Variants in UNC5A observed in about 807,000 individuals in gnomAD.
The protein encoded by UNC5A is netrin receptor UNC5A.
UNC5A carries 20 observed loss-of-function variants against 87.4 expected under a neutral mutation model. The observed-to-expected ratio is 0.23, with a 90% CI of 0.16 to 0.33. The LOEUF is 0.33. Among genes scored for constraint, UNC5A ranks in the 10% least tolerant of loss-of-function variants. The pLI is 1.00. For synonymous variants in UNC5A, 438 were observed against 482.3 expected (o/e 0.91, Z 1.20); for missense variants, 844 against 1,133.4 (o/e 0.74, Z 3.67).
chr5:176,850,779 C>T (rs1176374634), intron 1 of UNC5A, among the ~76,000 whole-genome samples: 11 of 152,246 alleles, frequency 7.2e-5, no homozygotes, highest in East Asian at 3.8e-4. Flanking sequence ...GGGGTCCAAG[C>T]GGGCTCATCT....
chr5:176,810,708 G>A lies in UNC5A; in HGVS notation c.-43G>A. On this transcript the variant is annotated 5_prime_UTR_variant, in exon 1 of 15. Coordinates refer to ENST00000329542, the MANE Select transcript of UNC5A (RefSeq NM_133369.3). The surrounding 1 kb of genome is among the most constrained non-coding windows in gnomAD (Gnocchi z 7.3). ...AGGCGCTAAAGCCGCCCTCCCGCCCGCGGGGCCCCGCGCCCGGCCCGCCCG... is the reference window on the plus strand; with the variant it reads ...AGGCGCTAAAGCCGCCCTCCCGCCCACGGGGCCCCGCGCCCGGCCCGCCCG... The A allele has an allele frequency of 4.5e-6, 4 of 884,864 alleles. No individual in the cohort carries two copies. Among genetic ancestry groups the A allele is most frequent in the East Asian group, 9.0e-5 (1 of 11,128 alleles). The allele number at this position is 884,864 out of a possible 1,614,324, so 54.8% of individuals were successfully genotyped here. A position where few individuals can be genotyped will look rare whatever the true frequency, so the allele number is the denominator to read the frequency against.
intron 1 of UNC5A, among the ~76,000 whole-genome samples, chr5:176,811,724 C>T (rs921044234): frequency 2.6e-5 from 4 of 151,790 alleles, no homozygotes; most frequent in Admixed American, 6.6e-5. Context: ...CTGAGTTGAG[C>T]GTATGTGTCT....
intron 1 of UNC5A, among the ~76,000 whole-genome samples, chr5:176,849,832 A>G (rs887495626): frequency 6.6e-6 from 1 of 152,200 alleles, no homozygotes; most frequent in African/African-American, 2.4e-5. Context: ...CAGCAAGTAC[A>G]TACCCTGGGC....
Position 176,877,614 on chromosome 5 carries a change from G to C in UNC5A, c.1546G>C (p.Val516Leu). 1 of 1,612,586 alleles carries C rather than the reference G, an allele frequency of 6.2e-7. No homozygotes were observed. Among genetic ancestry groups the C allele is most frequent in the Non-Finnish European group, 8.5e-7 (1 of 1,179,678 alleles). ...GPPGVLLTRP[V>L]ILAMDHCGEP... ...CCCTGGCGTCCTGCTCACCCGGCCA[G>C]TCATCCTGGCTATGGACCACTGTGG... Residue 516 changes from valine to leucine, a missense_variant, in exon 10 of 15, where the codon GTC becomes CTC. Val to Leu is a conservative substitution (Grantham distance 32). This residue lies in a region of UNC5A where 353 missense variants were observed against 387.5 expected (regional missense o/e 0.91). Transcript: ENST00000329542.
intron 1 of UNC5A, among the ~76,000 whole-genome samples, chr5:176,821,967 AAGGTAGAG>A (rs1337219076): frequency 6.6e-6 from 1 of 152,222 alleles, no homozygotes; most frequent in Non-Finnish European, 1.5e-5. Context: ...GGTAGGTCGA[AAGGTAGAG>A]AGTCAGCTAG....
At chr5:176,842,877 A>G (rs983055364) in intron 1 of UNC5A, among the ~76,000 whole-genome samples, 1 of 152,162 alleles carries the variant, frequency 6.6e-6, no homozygotes, top group Admixed American at 6.5e-5. Context: ...TTTTTACAAA[A>G]AGGGCTAGGC....
At chr5:176,861,140 A>G (rs953998218) in intron 1 of UNC5A, among the ~76,000 whole-genome samples, 1 of 152,146 alleles carries the variant, frequency 6.6e-6, no homozygotes, top group African/African-American at 2.4e-5. Flanking sequence ...CTCACCCCCT[A>G]TGAGATTGCT....
chr5:176,863,415 C>T (rs895871725), intron 2 of UNC5A, among the ~76,000 whole-genome samples: 10 of 152,224 alleles, frequency 6.6e-5, no homozygotes, highest in South Asian at 2.1e-4. Flanking sequence ...AGCTGCAGAG[C>T]GACATGGCCA....
Position 176,879,445 on chromosome 5 carries a change from G to A in UNC5A, c.2320G>A (p.Gly774Ser), listed in dbSNP as rs1758359429. ...ISSLDPPCRR[G>S]ADWRTLAQKL... is the part of the protein sequence containing the mutation. ...CAGCCTGGACCCACCCTGTAGGCGG[G>A]GTGCCGACTGGCGGACTCTGGCCCA... Residue 774 changes from glycine to serine, a missense_variant, in exon 14 of 15, where the codon GGT (glycine) becomes AGT (serine). Gly to Ser is a moderately conservative substitution (Grantham distance 56). Coordinates refer to ENST00000329542, the MANE Select transcript of UNC5A (RefSeq NM_133369.3). The A allele has an allele frequency of 6.2e-7, 1 of 1,612,058 alleles. No homozygotes were observed. The highest frequency in any genetic ancestry group is 8.5e-7 in the Non-Finnish European group (1 of 1,179,616).
chr5:176,878,643 G>C lies in UNC5A; in HGVS notation c.2184+4G>C. Reference sequence around the variant, plus strand: ...CATCAACTTCAACATCACCAAGGTGGACGGGAGGGGCTGCCGCACCGCCGT... The same window carrying C: ...CATCAACTTCAACATCACCAAGGTGCACGGGAGGGGCTGCCGCACCGCCGT... On this transcript the variant is annotated splice_donor_region_variant and intron_variant, in intron 13 of 14. Coordinates refer to ENST00000329542, the MANE Select transcript of UNC5A (RefSeq NM_133369.3). 6.2e-7 allele frequency: 1 copy of C among 1,608,820 alleles called. No individual in the cohort carries two copies. The highest frequency in any genetic ancestry group is 1.7e-4 in the Middle Eastern group (1 of 6,036).
rs759720511 is a variant in UNC5A at position 176,879,344 on chromosome 5, G to T, written c.2219G>T (p.Ser740Ile). 3 of 1,611,302 alleles carry T rather than the reference G, an allele frequency of 1.9e-6. No individual in the cohort carries two copies. The Admixed American group carries it at 5.0e-5, about 27-fold the overall frequency. Residue 740 changes from serine to isoleucine, a missense_variant, in exon 14 of 15, where the codon AGT becomes ATT. Physicochemically the swap from Ser to Ile is moderately radical, Grantham distance 142 (BLOSUM62 -2). Around this residue, in one of 3 missense-constraint regions of UNC5A, gnomAD observed 177 missense variants for 279.4 expected, o/e 0.63. Transcript: ENST00000329542. ...TRFAELLALE[S>I]EAGVPALVGP... ...TTTGCTGAGCTGCTGGCTCTGGAGA[G>T]TGAAGCGGGGGTCCCAGCCCTGGTG...
chr5:176,821,342 T>G (rs771219730), intron 1 of UNC5A, among the ~76,000 whole-genome samples: 1 of 152,210 alleles, frequency 6.6e-6, no homozygotes, highest in Non-Finnish European at 1.5e-5. Context: ...GCCCTGGCAC[T>G]TTTCTAGGGA....
intron 1 of UNC5A, among the ~76,000 whole-genome samples, chr5:176,852,976 A>G (rs1251042016): frequency 1.3e-5 from 2 of 152,246 alleles, no homozygotes; most frequent in African/African-American, 4.8e-5. Context: ...AGGCGTGAGG[A>G]GGAAAACAGA....
chr5:176,843,139 C>T (rs1476151119), intron 1 of UNC5A, among the ~76,000 whole-genome samples: 3 of 140,948 alleles, frequency 2.1e-5, no homozygotes, highest in Non-Finnish European at 4.5e-5. Context: ...CCAGCCTGGG[C>T]GGTAAGAGTG....
intron 1 of UNC5A, among the ~76,000 whole-genome samples, chr5:176,833,705 T>C (rs1757078795): frequency 6.6e-6 from 1 of 150,854 alleles, no homozygotes; most frequent in African/African-American, 2.5e-5. Flanking sequence ...TTTTTATCTT[T>C]TTTCTTTCTT....
At chr5:176,877,431 C>G (rs532264598) in intron 9 of UNC5A, 104 bp from the exon 10 acceptor site, 456 of 1,397,840 alleles carry the variant, frequency 3.3e-4, no homozygotes, top group Admixed American at 4.5e-4. Flanking sequence ...GCAGCCCAAG[C>G]CCCTGGCCCC....
intron 1 of UNC5A, among the ~76,000 whole-genome samples, chr5:176,840,460 T>G (rs569875938): frequency 6.6e-6 from 1 of 152,228 alleles, no homozygotes; most frequent in East Asian, 1.9e-4. Context: ...TTTTCTCTTT[T>G]GTGCTCCTGT....
At chr5:176,862,520 T>C (rs1757865469) in intron 1 of UNC5A, 104 bp from the exon 2 acceptor site, 2 of 1,064,818 alleles carry the variant, frequency 1.9e-6, no homozygotes. Context: ...GGACTCACTC[T>C]CCTCCCATCT....
rs1372927283 is a variant in UNC5A, at chr5:176,880,815, T to G, written c.*929T>G. The G allele has an allele frequency of 2.5e-6, 1 of 395,794 alleles. No homozygotes were observed. Among genetic ancestry groups the G allele is most frequent in the Admixed American group, 4.2e-5 (1 of 23,606 alleles). 24.5% of individuals were successfully genotyped at this position (395,794 alleles called of 1,614,324 possible). On this transcript the variant is annotated 3_prime_UTR_variant, in exon 15 of 15. Coordinates refer to ENST00000329542, the MANE Select transcript of UNC5A (RefSeq NM_133369.3). ...ATTCACGCACTTACTCTTGGCCTTATGTACACAGCCTTGCCCGGCCGCCGG... is the reference window on the plus strand; with the variant it reads ...ATTCACGCACTTACTCTTGGCCTTAGGTACACAGCCTTGCCCGGCCGCCGG...
Sources: allele counts gnomAD v4.1 joint callset (sites outside exome capture counted in the v4.1 genomes callset), GRCh38; gene constraint gnomAD v4.1.1; regional missense constraint gnomAD v4.1.1; non-coding constraint Gnocchi (gnomAD v3.1); transcripts MANE v1.5; gene names NCBI Gene and HGNC (gene_info 2026-07-23, HGNC 2026-07-21).